The following SLIT3 variants were observed in gnomAD, a reference collection of about 807,000 sequenced individuals.
The protein encoded by SLIT3 is slit homolog 3 protein.
SLIT3 carries 68 observed loss-of-function variants against 184.0 expected under a neutral mutation model. That is an observed-to-expected ratio of 0.37 (90% CI 0.30 to 0.45). SLIT3 has a LOEUF of 0.45. Among genes scored for constraint, SLIT3 ranks in the 20% least tolerant of loss-of-function variants. The pLI is 1.00. For synonymous variants in SLIT3, 831 were observed against 828.6 expected (o/e 1.00, Z -0.05); for missense variants, 1,707 against 2,026.0 (o/e 0.84, Z 3.02).
At chr5:168,836,259 A>C (rs550435444) in intron 6 of SLIT3, among the ~76,000 whole-genome samples, 1 of 152,364 alleles carries the variant, frequency 6.6e-6, no homozygotes, top group East Asian at 1.9e-4. Context: ...GTTCAAGAGG[A>C]ACAAGGCTCC....
chr5:169,052,891 G>A (rs1484026766), intron 4 of SLIT3, among the ~76,000 whole-genome samples: 2 of 152,066 alleles, frequency 1.3e-5, no homozygotes, highest in Non-Finnish European at 2.9e-5. Context: ...ACCCCACTCT[G>A]TTTCAAAGGA....
At chr5:168,914,005 T>C (rs570249803) in intron 4 of SLIT3, among the ~76,000 whole-genome samples, 2 of 152,230 alleles carry the variant, frequency 1.3e-5, no homozygotes, top group Non-Finnish European at 2.9e-5. Context: ...TATCAGCACA[T>C]GTAACTCTAC....
At chr5:169,090,516 C>A (rs1759538843) in intron 4 of SLIT3, among the ~76,000 whole-genome samples, 1 of 152,310 alleles carries the variant, frequency 6.6e-6, no homozygotes, top group East Asian at 1.9e-4. Flanking sequence ...AAGCCTTTCC[C>A]ACCCCACCTC....
intron 20 of SLIT3, among the ~76,000 whole-genome samples, chr5:168,730,678 T>C (rs926583046): frequency 2.0e-5 from 3 of 151,034 alleles, no homozygotes; most frequent in African/African-American, 7.3e-5. Context: ...TCCAAATGAA[T>C]GAAAATGAAA....
intron 1 of SLIT3, among the ~76,000 whole-genome samples, chr5:169,261,899 G>C (rs1428297150): frequency 6.6e-6 from 1 of 152,188 alleles, no homozygotes; most frequent in African/African-American, 2.4e-5. Context: ...GAAGCAGGTG[G>C]CCATGTTTGG....
At chr5:168,964,426 G>T (rs1449894257) in intron 4 of SLIT3, among the ~76,000 whole-genome samples, 1 of 152,190 alleles carries the variant, frequency 6.6e-6, no homozygotes, top group African/African-American at 2.4e-5. Flanking sequence ...CTTCAAGAAA[G>T]CCTGGGGCAT....
chr5:169,267,603 A>G (rs1581120899), intron 1 of SLIT3, among the ~76,000 whole-genome samples: 1 of 152,248 alleles, frequency 6.6e-6, no homozygotes, highest in South Asian at 2.1e-4. Context: ...GAATGACCAT[A>G]TGATTATCCA....
intron 4 of SLIT3, among the ~76,000 whole-genome samples, chr5:169,030,980 T>C (rs552076180): frequency 1.1e-4 from 16 of 152,346 alleles, no homozygotes; most frequent in African/African-American, 3.1e-4. Flanking sequence ...CAGACAGGGC[T>C]CAGGGTATTC....
chr5:168,663,040 C>CT lies in SLIT3; in HGVS notation c.*3413dup, dbSNP rs1760924124. 2.6e-5 allele frequency: 4 copies of CT among 152,258 alleles called. No homozygotes were observed. Among genetic ancestry groups the CT allele is most frequent in the Admixed American group, 2.6e-4 (4 of 15,270 alleles). The allele number at this position is 152,258 out of a possible 1,614,324, so 9.4% of individuals were successfully genotyped here. The stretch of plus-strand genomic sequence containing the variant: ...AAAATTATAAGGGACAGACCTGGCC[C>CT]TTTTGCTGTCTTGGTTGATGGGGGC... On this transcript the variant is annotated 3_prime_UTR_variant, in exon 36 of 36. Coordinates refer to ENST00000519560, the MANE Select transcript of SLIT3 (RefSeq NM_003062.4).
At chr5:168,806,136 C>T (rs889221285) in intron 9 of SLIT3, among the ~76,000 whole-genome samples, 1 of 152,154 alleles carries the variant, frequency 6.6e-6, no homozygotes, top group Non-Finnish European at 1.5e-5. Flanking sequence ...TCAATACTGC[C>T]ATATGAGACC....
chr5:169,191,034 A>T (rs1057482429), intron 4 of SLIT3, among the ~76,000 whole-genome samples: 6 of 152,212 alleles, frequency 3.9e-5, no homozygotes, highest in Non-Finnish European at 8.8e-5. Context: ...CAGCCATTCA[A>T]AGTGTGTCAT....
At chr5:169,188,069 C>G (rs899409559) in intron 4 of SLIT3, among the ~76,000 whole-genome samples, 2 of 152,110 alleles carry the variant, frequency 1.3e-5, no homozygotes, top group Non-Finnish European at 2.9e-5. Context: ...GCGATCCCCG[C>G]ACCTCAGCCT....
intron 4 of SLIT3, among the ~76,000 whole-genome samples, chr5:169,093,726 G>T (rs908763875): frequency 2.6e-5 from 4 of 152,124 alleles, no homozygotes; most frequent in Non-Finnish European, 4.4e-5. Context: ...TCAGGCTATG[G>T]ATTATAAGCT....
At chr5:168,743,102 G>T (rs1763688093) in intron 20 of SLIT3, among the ~76,000 whole-genome samples, 2 of 152,292 alleles carry the variant, frequency 1.3e-5, no homozygotes, top group South Asian at 2.1e-4. Flanking sequence ...GCATGTTCAG[G>T]TTCTGTCCCC....
intron 5 of SLIT3, among the ~76,000 whole-genome samples, chr5:168,880,690 T>C (rs951834065): frequency 6.6e-6 from 1 of 152,194 alleles, no homozygotes; most frequent in African/African-American, 2.4e-5. Flanking sequence ...AGTGGAAACA[T>C]AGGCTTAGAA....
At chr5:169,214,389 G>T (rs1380700924) in intron 3 of SLIT3, among the ~76,000 whole-genome samples, 1 of 152,226 alleles carries the variant, frequency 6.6e-6, no homozygotes, top group Middle Eastern at 3.2e-3. Context: ...GGGGAATTGG[G>T]ATGTGGAAAG....
intron 4 of SLIT3, among the ~76,000 whole-genome samples, chr5:168,911,697 C>T (rs1482450379): frequency 1.3e-5 from 2 of 152,094 alleles, no homozygotes; most frequent in Admixed American, 6.6e-5. Context: ...GGGATCATAG[C>T]GGGAAAGCCA....
intron 6 of SLIT3, among the ~76,000 whole-genome samples, chr5:168,840,641 T>C (rs1421755501): frequency 5.9e-5 from 9 of 152,182 alleles, no homozygotes; most frequent in African/African-American, 1.9e-4. Context: ...CACGACTTAC[T>C]TGGAGAAAAC....
chr5:169,045,049 G>A (rs891474493), intron 4 of SLIT3, among the ~76,000 whole-genome samples: 7 of 152,338 alleles, frequency 4.6e-5, no homozygotes, highest in African/African-American at 1.7e-4. Context: ...CACCAGAGAT[G>A]CGGGGTCATG....
Sources: gnomAD v4.1 joint callset for allele counts (sites outside exome capture counted in the v4.1 genomes callset) on GRCh38, gnomAD v4.1.1 for gene constraint, MANE v1.5 for transcripts, NCBI Gene and HGNC (gene_info 2026-07-23, HGNC 2026-07-21) for gene names.